JAKMIP1: variants seen among roughly 807,000 people sequenced by gnomAD.
The protein encoded by JAKMIP1 is janus kinase and microtubule-interacting protein 1.
A neutral mutation model predicts 113.0 loss-of-function variants in JAKMIP1; 33 were observed. The observed-to-expected ratio is 0.29, with a 90% CI of 0.22 to 0.39. The LOEUF is 0.39. Ranked by LOEUF, JAKMIP1 falls within the 10% of genes least tolerant of loss-of-function variation. The pLI, the probability that JAKMIP1 is intolerant of heterozygous loss-of-function variation, is 1.00. For synonymous variants in JAKMIP1, 480 were observed against 459.9 expected (o/e 1.04, Z -0.56); for missense variants, 813 against 1,080.5 (o/e 0.75, Z 3.47).
intron 3 of JAKMIP1, among the ~76,000 whole-genome samples, chr4:6,104,138 T>G (rs891066337): frequency 2.0e-5 from 3 of 152,230 alleles, no homozygotes; most frequent in Non-Finnish European, 4.4e-5. Context: ...TGAAATGCGG[T>G]CTACAATGAT....
intron 1 of JAKMIP1, among the ~76,000 whole-genome samples, chr4:6,119,521 A>C (rs1019875675): frequency 2.0e-5 from 3 of 151,802 alleles, no homozygotes; most frequent in African/African-American, 7.3e-5. Context: ...TCCAGCCTGG[A>C]CAACAAGAGC....
intron 1 of JAKMIP1, among the ~76,000 whole-genome samples, chr4:6,172,025 T>C (rs1724788990): frequency 6.6e-6 from 1 of 152,228 alleles, no homozygotes. Flanking sequence ...CCCCACGTGA[T>C]ACCTGATTGT....
At chr4:6,037,634 G>A (rs1052865854) in intron 18 of JAKMIP1, among the ~76,000 whole-genome samples, 43 of 146,602 alleles carry the variant, frequency 2.9e-4, no homozygotes, top group Admixed American at 1.3e-4. Context: ...CTCCATCACC[G>A]AGGCAGAGGT....
chr4:6,087,644 C>T (rs1384045806), intron 3 of JAKMIP1, among the ~76,000 whole-genome samples: 1 of 152,182 alleles, frequency 6.6e-6, no homozygotes, highest in East Asian at 1.9e-4. Context: ...CCATCACTTG[C>T]AACCAAAATA....
rs567639179 is a variant in JAKMIP1, at chr4:6,141,436, AAAATAAAT to A, written c.-147-28447_-147-28440del. ...GGGCGACAGAGTGAAACCCTGTCTC[AAAATAAAT>A]AAATAAATAAATACCAAAAAACAAA... On this transcript the variant is annotated intron_variant, in intron 1 of 20. Transcript: ENST00000409021. This position sits in a 1 kb window ranked among gnomAD's most constrained non-coding sequence, Gnocchi z 9.4. 6.6e-6 allele frequency among the ~76,000 whole-genome samples: 1 copy of A among 152,164 alleles called. No homozygotes were observed. The highest frequency in any genetic ancestry group is 2.4e-5 in the African/African-American group (1 of 41,440).
chr4:6,131,856 A>T, intron 1 of JAKMIP1, among the ~76,000 whole-genome samples: 1 of 152,236 alleles, frequency 6.6e-6, no homozygotes, highest in East Asian at 1.9e-4. Context: ...TAGCCTATGA[A>T]ATTATCCTTC....
At chr4:6,073,858 G>C (rs1719314868) in intron 8 of JAKMIP1, among the ~76,000 whole-genome samples, 1 of 152,178 alleles carries the variant, frequency 6.6e-6, no homozygotes, top group Admixed American at 6.5e-5. Flanking sequence ...TGCGTAAACT[G>C]TACTGATTTT....
Position 6,112,950 on chromosome 4 carries a change from G to A in JAKMIP1, c.-100C>T, listed in dbSNP as rs116269521. Reference sequence around the variant, plus strand: ...ACCAGCTCCACCGTGCTAACCAGTCGCGCAGGACTCAGCTCGCCCTCCGAG... The same window carrying A: ...ACCAGCTCCACCGTGCTAACCAGTCACGCAGGACTCAGCTCGCCCTCCGAG... On this transcript the variant is annotated 5_prime_UTR_variant, in exon 2 of 21. It introduces an in-frame stop codon into an upstream open reading frame of the 5' UTR. Coordinates refer to ENST00000409021, the MANE Select transcript of JAKMIP1 (RefSeq NM_001099433.2). 0.029 allele frequency: 42,910 copies of A among 1,474,522 alleles called. 739 individuals are homozygous for A. The highest frequency in any genetic ancestry group is 0.035 in the Non-Finnish European group (38,272 of 1,107,652). The allele number at this position is 1,474,522 out of a possible 1,614,324, so 91.3% of individuals were successfully genotyped here. A position where few individuals can be genotyped will look rare whatever the true frequency, so the allele number is the denominator to read the frequency against.
chr4:6,031,808 G>T lies in JAKMIP1; in HGVS notation c.2380-2027C>A, dbSNP rs1189145349. On this transcript the variant is annotated intron_variant, in intron 19 of 20. Transcript: ENST00000409021. This position sits in a 1 kb window ranked among gnomAD's most constrained non-coding sequence, Gnocchi z 4.4. ...TGGGCAGTTATTCTGCCTCCCTGAG[G>T]CTTGGTGTCCTTATCTATAGATGGG... Among the ~76,000 whole-genome samples, 5 of 152,234 alleles carry T rather than the reference G, an allele frequency of 3.3e-5. No homozygotes were observed. The highest frequency in any genetic ancestry group is 6.5e-5 in the Admixed American group (1 of 15,288).
intron 12 of JAKMIP1, chr4:6,054,733 T>C: frequency 2.2e-6 from 1 of 456,668 alleles, no homozygotes; most frequent in South Asian, 1.5e-5. Context: ...CTCAGCCCAC[T>C]ACTCCAGCCC....
At chr4:6,074,388 T>C (rs1719410236) in intron 8 of JAKMIP1, among the ~76,000 whole-genome samples, 1 of 152,200 alleles carries the variant, frequency 6.6e-6, no homozygotes, top group Admixed American at 6.5e-5. Flanking sequence ...GATGGGGCTG[T>C]CAGATTTCTG....
chr4:6,062,177 C>T, intron 10 of JAKMIP1, 135 bp downstream of exon 10: 7 of 898,518 alleles, frequency 7.8e-6, no homozygotes, highest in Non-Finnish European at 1.1e-5. Flanking sequence ...ACAGCAGAGA[C>T]CTTGCTATGG....
At position 6,197,608 on chromosome 4, in the gene JAKMIP1, C is replaced by T. The variant is rs377089374; in HGVS notation, c.-148+2645G>A. ...CTTCAGAAGCCCTGCAGGTTGATCC[C>T]GTCGCCACTATGGGGAGAGGAGTGA... On this transcript the variant is annotated intron_variant, in intron 1 of 20. Coordinates refer to ENST00000409021, the MANE Select transcript of JAKMIP1 (RefSeq NM_001099433.2). The surrounding 1 kb of genome is among the most constrained non-coding windows in gnomAD (Gnocchi z 6.5). 2.0e-5 allele frequency among the ~76,000 whole-genome samples: 3 copies of T among 152,168 alleles called. No homozygotes were observed. Among genetic ancestry groups the T allele is most frequent in the South Asian group, 2.1e-4 (1 of 4,830 alleles).
At chr4:6,113,297 C>A (rs1318634467) in intron 1 of JAKMIP1, among the ~76,000 whole-genome samples, 1 of 152,186 alleles carries the variant, frequency 6.6e-6, no homozygotes, top group African/African-American at 2.4e-5. Flanking sequence ...AGGATGAGAC[C>A]AGCCCATCTC....
intron 12 of JAKMIP1, chr4:6,054,735 C>T (rs766756863): frequency 2.2e-6 from 1 of 456,608 alleles, no homozygotes; most frequent in Non-Finnish European, 4.4e-6. Context: ...CAGCCCACTA[C>T]TCCAGCCCTC....
At chr4:6,151,166 A>C (rs1263527146) in intron 1 of JAKMIP1, among the ~76,000 whole-genome samples, 3 of 152,110 alleles carry the variant, frequency 2.0e-5, no homozygotes, top group Non-Finnish European at 4.4e-5. Context: ...ATAGCACCCT[A>C]CATGCCAAAA....
chr4:6,116,919 G>T lies in JAKMIP1; in HGVS notation c.-147-3922C>A, dbSNP rs1715876051. Among the ~76,000 whole-genome samples the T allele has an allele frequency of 6.6e-6, 1 of 152,042 alleles. No homozygotes were observed. Among genetic ancestry groups the T allele is most frequent in the African/African-American group, 2.4e-5 (1 of 41,378 alleles). ...GGGAGGGCAAACTGCCAGACCACGT[G>T]GGGGTTCTACACCAAGCACAGAGTC... On this transcript the variant is annotated intron_variant, in intron 1 of 20. Coordinates refer to ENST00000409021, the MANE Select transcript of JAKMIP1 (RefSeq NM_001099433.2). This position sits in a 1 kb window ranked among gnomAD's most constrained non-coding sequence, Gnocchi z 5.1.
rs542099579 is a variant in JAKMIP1, at chr4:6,188,681, C to G, written c.-148+11572G>C. On this transcript the variant is annotated intron_variant, in intron 1 of 20. Coordinates refer to ENST00000409021, the MANE Select transcript of JAKMIP1 (RefSeq NM_001099433.2). This position sits in a 1 kb window ranked among gnomAD's most constrained non-coding sequence, Gnocchi z 5.8. Reference sequence around the variant, plus strand: ...GGCACCTGCATCCCTCCCCCATCTTCTGGCTAGAGCACCCCAATTTTTAAT... The same window carrying G: ...GGCACCTGCATCCCTCCCCCATCTTGTGGCTAGAGCACCCCAATTTTTAAT... Among the ~76,000 whole-genome samples the G allele has an allele frequency of 6.6e-6, 1 of 152,328 alleles. No individual in the cohort carries two copies. Among genetic ancestry groups the G allele is most frequent in the Non-Finnish European group, 1.5e-5 (1 of 68,024 alleles).
At position 6,044,603 on chromosome 4, in the gene JAKMIP1, A is replaced by G. The variant is rs1249106320; in HGVS notation, c.2029-2376T>C. 6.6e-6 allele frequency among the ~76,000 whole-genome samples: 1 copy of G among 152,242 alleles called. No homozygotes were observed. Among genetic ancestry groups the G allele is most frequent in the Non-Finnish European group, 1.5e-5 (1 of 68,040 alleles). On this transcript the variant is annotated intron_variant, in intron 16 of 20. Coordinates refer to ENST00000409021, the MANE Select transcript of JAKMIP1 (RefSeq NM_001099433.2). This position sits in a 1 kb window ranked among gnomAD's most constrained non-coding sequence, Gnocchi z 4.4. ...CAGGTATTTCAGTTTTAATATCCTC[A>G]TGCAAGCAGTCATAAAATGAATAAA... is the stretch of plus-strand genomic sequence containing the variant.
Sources: gnomAD v4.1 joint callset for allele counts (sites outside exome capture counted in the v4.1 genomes callset) on GRCh38, gnomAD v4.1.1 for gene constraint, Gnocchi (gnomAD v3.1) non-coding constraint, MANE v1.5 for transcripts, NCBI Gene and HGNC (gene_info 2026-07-23, HGNC 2026-07-21) for gene names.